Variants in DNAH11 observed in about 807,000 individuals in gnomAD.
DNAH11 encodes the protein axonemal beta dynein heavy chain 11.
DNAH11 carries 442 observed loss-of-function variants against 526.0 expected under a neutral mutation model. The observed-to-expected ratio is 0.84, with a 90% CI of 0.78 to 0.91. DNAH11 has a LOEUF of 0.91. DNAH11 is among the 40% of genes least tolerant of loss of function. DNAH11 has a pLI of 0.00. For missense variants in DNAH11, 6,989 were observed against 5,448.7 expected, an observed-to-expected ratio of 1.28 and a Z score of -8.90; for synonymous variants, 2,461 against 1,935.9, an observed-to-expected ratio of 1.27 and a Z score of -7.12.
At chr7:21,670,554 T>C (rs575230830) in intron 30 of DNAH11, among the ~76,000 whole-genome samples, 59 of 152,292 alleles carry the variant, frequency 3.9e-4, no homozygotes, top group African/African-American at 1.3e-3. Context: ...ATTGAATTGG[T>C]TGGGCCTCCA....
chr7:21,777,619 G>T (rs188750969), intron 56 of DNAH11, among the ~76,000 whole-genome samples: 3 of 152,108 alleles, frequency 2.0e-5, no homozygotes, highest in African/African-American at 4.8e-5. Context: ...TCTAATAGGC[G>T]TGTAGTGATA....
At chr7:21,871,380 C>A (rs1229944288) in intron 73 of DNAH11, among the ~76,000 whole-genome samples, 1 of 152,190 alleles carries the variant, frequency 6.6e-6, no homozygotes, top group Non-Finnish European at 1.5e-5. Context: ...TCTAGCCAGT[C>A]CCAAAGCCAG....
chr7:21,587,395 A>G (rs144667357), intron 9 of DNAH11, among the ~76,000 whole-genome samples: 134 of 152,164 alleles, frequency 8.8e-4, no homozygotes, highest in Admixed American at 1.2e-3. Context: ...TCTGCTTGCT[A>G]GTAGTTTCTG....
chr7:21,683,732 G>T (rs951251757), intron 31 of DNAH11, 52 bp from the exon 32 acceptor site: 2 of 1,476,824 alleles, frequency 1.4e-6, no homozygotes, highest in Non-Finnish European at 9.0e-7. Flanking sequence ...TTAATAACTT[G>T]TTGCCCCAAA....
chr7:21,568,247 A>C (rs1196237242), intron 6 of DNAH11, among the ~76,000 whole-genome samples: 1 of 152,136 alleles, frequency 6.6e-6, no homozygotes, highest in African/African-American at 2.4e-5. Context: ...TTCATCCTAA[A>C]TCTAGTGGCT....
At chr7:21,867,763 T>C (rs1159846624) in intron 71 of DNAH11, 96 bp from the exon 72 acceptor site, 2 of 1,166,508 alleles carry the variant, frequency 1.7e-6, no homozygotes, top group Non-Finnish European at 2.5e-6. Context: ...CCTGGTTACT[T>C]CTATCGTGTG....
At chr7:21,840,528 A>G (rs1335469327) in intron 65 of DNAH11, among the ~76,000 whole-genome samples, 1 of 152,006 alleles carries the variant, frequency 6.6e-6, no homozygotes, top group African/African-American at 2.4e-5. Flanking sequence ...AAGAAGTTTC[A>G]CTCTAAGCAG....
chr7:21,552,270 G>T (rs373551775), intron 2 of DNAH11, among the ~76,000 whole-genome samples: 1 of 152,176 alleles, frequency 6.6e-6, no homozygotes, highest in East Asian at 1.9e-4. Flanking sequence ...ATTGCAAGGG[G>T]TCGGGTTTCT....
chr7:21,655,147 A>T (rs1277426090), intron 28 of DNAH11, among the ~76,000 whole-genome samples: 1 of 151,866 alleles, frequency 6.6e-6, no homozygotes, highest in African/African-American at 2.4e-5. Flanking sequence ...AGAACGCAAA[A>T]CTTAGGATGT....
intron 48 of DNAH11, among the ~76,000 whole-genome samples, chr7:21,740,978 AGTG>A (rs1421298921): frequency 1.5e-4 from 23 of 152,162 alleles, no homozygotes; most frequent in Non-Finnish European, 2.6e-4. Context: ...CCTAATGATT[AGTG>A]ATGTTTTTTA....
intron 8 of DNAH11, among the ~76,000 whole-genome samples, chr7:21,577,612 C>G (rs990507537): frequency 2.6e-5 from 4 of 152,118 alleles, no homozygotes; most frequent in African/African-American, 9.7e-5. Flanking sequence ...ACTGGAAGTC[C>G]CAACCCAGCG....
intron 55 of DNAH11, among the ~76,000 whole-genome samples, chr7:21,772,112 G>C (rs1490500912): frequency 6.6e-6 from 1 of 152,148 alleles, no homozygotes; most frequent in Non-Finnish European, 1.5e-5. Context: ...ACAACCAGCT[G>C]CTCCCTGGCT....
chr7:21,873,227 T>C, intron 73 of DNAH11, 47 bp from the exon 74 acceptor site: 3 of 1,402,150 alleles, frequency 2.1e-6, no homozygotes, highest in South Asian at 1.3e-5. Flanking sequence ...ATAATTCAAG[T>C]AATATGCCTC....
chr7:21,667,938 A>G (rs1442586763), intron 30 of DNAH11, among the ~76,000 whole-genome samples: 1 of 152,130 alleles, frequency 6.6e-6, no homozygotes, highest in Non-Finnish European at 1.5e-5. Context: ...AAAGATGGGC[A>G]CTCCTTCCTA....
intron 9 of DNAH11, among the ~76,000 whole-genome samples, chr7:21,582,710 A>G (rs77571035): frequency 0.041 from 6,174 of 152,294 alleles, 138 homozygotes; most frequent in South Asian, 0.062. Context: ...TGACAAAGAA[A>G]AAAATCACAA....
intron 30 of DNAH11, among the ~76,000 whole-genome samples, chr7:21,674,768 TTCA>T (rs2128470331): frequency 6.6e-6 from 1 of 152,194 alleles, no homozygotes; most frequent in South Asian, 2.1e-4. Flanking sequence ...ATAGGGAATT[TTCA>T]CTGAAGTCTC....
At chr7:21,819,503 C>G (rs1156397353) in intron 65 of DNAH11, among the ~76,000 whole-genome samples, 1 of 152,156 alleles carries the variant, frequency 6.6e-6, no homozygotes, top group Non-Finnish European at 1.5e-5. Flanking sequence ...GTAGCTGTGT[C>G]TGATGTGTTA....
At chr7:21,874,504 T>A (rs1783630929) in intron 74 of DNAH11, among the ~76,000 whole-genome samples, 2 of 151,966 alleles carry the variant, frequency 1.3e-5, no homozygotes, top group South Asian at 4.1e-4. Flanking sequence ...CCCAGCTAAC[T>A]TTTGTATTTT....
intron 68 of DNAH11, among the ~76,000 whole-genome samples, chr7:21,856,815 T>A (rs1485052307): frequency 6.6e-6 from 1 of 151,988 alleles, no homozygotes. Flanking sequence ...TCTCAACTAA[T>A]GAATAGATGG....
Sources: allele counts gnomAD v4.1 joint callset (sites outside exome capture counted in the v4.1 genomes callset), GRCh38; gene constraint gnomAD v4.1.1; transcripts MANE v1.5; gene names NCBI Gene and HGNC (gene_info 2026-07-23, HGNC 2026-07-21).